The following ACTN1 variants were observed in gnomAD, a reference collection of about 807,000 sequenced individuals.
ACTN1 encodes alpha-actinin-1.
In ACTN1, 30 loss-of-function variants were observed where a neutral mutation model predicts 119.6. The observed-to-expected ratio is 0.25, with a 90% CI of 0.19 to 0.34. The LOEUF (loss-of-function observed/expected upper bound fraction) is 0.34. ACTN1 is among the 10% of genes least tolerant of loss of function. ACTN1 has a pLI of 1.00. For synonymous variants in ACTN1, 429 were observed against 472.6 expected, an observed-to-expected ratio of 0.91 and a Z score of 1.20; for missense variants, 764 against 1,223.4, an observed-to-expected ratio of 0.62 and a Z score of 5.60.
chr14:68,975,113 C>T (rs1407493359), intron 1 of ACTN1, among the ~76,000 whole-genome samples: 1 of 152,218 alleles, frequency 6.6e-6, no homozygotes, highest in African/African-American at 2.4e-5. Flanking sequence ...CTGCAATGGC[C>T]TTGCTGTCCA....
At chr14:68,895,452 G>A (rs1169569760) in intron 8 of ACTN1, among the ~76,000 whole-genome samples, 1 of 152,166 alleles carries the variant, frequency 6.6e-6, no homozygotes, top group Non-Finnish European at 1.5e-5. Flanking sequence ...GGGGCCATGG[G>A]AACCAGGCCA....
intron 1 of ACTN1, among the ~76,000 whole-genome samples, chr14:68,933,044 T>A (rs1056000697): frequency 6.6e-6 from 1 of 152,166 alleles, no homozygotes; most frequent in Non-Finnish European, 1.5e-5. Flanking sequence ...GTGGGACAAG[T>A]ATTATTCTCC....
rs1133206 is a variant in ACTN1, at chr14:68,879,061, G to A, written c.2289C>T (p.Ser763=). ...TGAACTCCTCGGGACCCAGTGTGCC[G>A]GAGTGATCCTGGGGCCGCGGTGCGC... ...ASFNHFDRDH[S]GTLGPEEFKA... is the part of the protein sequence containing the mutation. The change falls in exon 19 of 22, where the codon TCC becomes TCT. Residue 763 remains serine, a synonymous_variant. Coordinates refer to ENST00000394419, the MANE Select transcript of ACTN1 (RefSeq NM_001130004.2). This position sits in a 1 kb window ranked among gnomAD's most constrained non-coding sequence, Gnocchi z 4.9. 19 of 1,608,806 alleles carry A rather than the reference G, an allele frequency of 1.2e-5. No individual in the cohort carries two copies. Among genetic ancestry groups the A allele is most frequent in the East Asian group, 2.2e-5 (1 of 44,700 alleles).
chr14:68,916,620 C>T (rs1055371579), intron 3 of ACTN1, among the ~76,000 whole-genome samples: 4 of 152,150 alleles, frequency 2.6e-5, no homozygotes, highest in Non-Finnish European at 2.9e-5. Flanking sequence ...ACCGGGCCTC[C>T]GGCTTCTCAA....
intron 1 of ACTN1, among the ~76,000 whole-genome samples, chr14:68,967,171 C>T (rs1032808719): frequency 6.6e-6 from 1 of 152,216 alleles, no homozygotes; most frequent in African/African-American, 2.4e-5. Flanking sequence ...CCAGGACACA[C>T]CTCTTAGTCC....
intron 1 of ACTN1, among the ~76,000 whole-genome samples, chr14:68,970,995 C>T (rs536251768): frequency 2.0e-5 from 3 of 152,344 alleles, no homozygotes; most frequent in African/African-American, 7.2e-5. Flanking sequence ...GAAAGCCACA[C>T]ATGGAAGCAC....
intron 1 of ACTN1, among the ~76,000 whole-genome samples, chr14:68,959,168 G>A (rs1011803399): frequency 7.9e-5 from 12 of 152,144 alleles, no homozygotes; most frequent in African/African-American, 2.4e-4. Flanking sequence ...CAACTGCCAC[G>A]ACAGAGTCTC....
At chr14:68,923,069 G>A (rs1322976412) in intron 2 of ACTN1, among the ~76,000 whole-genome samples, 2 of 152,182 alleles carry the variant, frequency 1.3e-5, no homozygotes, top group Non-Finnish European at 2.9e-5. Flanking sequence ...CAGGTCCCCT[G>A]GGCACACGTC....
chr14:68,912,715 G>A (rs1228125395), intron 3 of ACTN1, among the ~76,000 whole-genome samples: 2 of 152,168 alleles, frequency 1.3e-5, no homozygotes, highest in East Asian at 1.9e-4. Context: ...ACTGTGACAG[G>A]TGCTGGAAGA....
chr14:68,972,170 C>G (rs1255193613), intron 1 of ACTN1, among the ~76,000 whole-genome samples: 1 of 152,188 alleles, frequency 6.6e-6, no homozygotes, highest in Non-Finnish European at 1.5e-5. Flanking sequence ...TCTCCCCAAC[C>G]CACCCAGTCT....
At chr14:68,962,297 A>C in intron 1 of ACTN1, among the ~76,000 whole-genome samples, 1 of 152,140 alleles carries the variant, frequency 6.6e-6, no homozygotes, top group Non-Finnish European at 1.5e-5. Flanking sequence ...CAGGAGAGGC[A>C]GGGCTGACTC....
chr14:68,892,539 T>C (rs2140162298), intron 9 of ACTN1, among the ~76,000 whole-genome samples: 1 of 152,292 alleles, frequency 6.6e-6, no homozygotes, highest in South Asian at 2.1e-4. Flanking sequence ...CTCCCTGCTT[T>C]GCTAAGGGAA....
rs146342419 is a variant in ACTN1, at chr14:68,909,121, C to T, written c.594+197G>A. Among the ~76,000 whole-genome samples, 1,706 of 152,304 alleles carry T rather than the reference C, an allele frequency of 0.011. 42 individuals carry two copies. Among genetic ancestry groups the T allele is most frequent in the African/African-American group, 0.039 (1,639 of 41,558 alleles). ...TATGTGTGCAAGTACACACACACCA[C>T]GCACAAGGGTAATGAAGTTGCCCTA... On this transcript the variant is annotated intron_variant, in intron 6 of 21. Transcript: ENST00000394419. This position sits in a 1 kb window ranked among gnomAD's most constrained non-coding sequence, Gnocchi z 4.1.
At chr14:68,921,334 T>A (rs1160140819) in intron 2 of ACTN1, 10 of 502,114 alleles carry the variant, frequency 2.0e-5, no homozygotes, top group Non-Finnish European at 3.3e-5. Context: ...TGCCTCTTCT[T>A]TCTTCTGCTT....
Position 68,885,338 on chromosome 14 carries a change from CA to C in ACTN1, c.1385+86del. On this transcript the variant is annotated intron_variant, in intron 12 of 21. Transcript: ENST00000394419. The surrounding 1 kb of genome is among the most constrained non-coding windows in gnomAD (Gnocchi z 5.6). ...ACCTGTACCCACCCTCCCCATCTTC[CA>C]CGGCCACACCCCCACCTCCCCCAGC... The C allele has an allele frequency of 6.8e-7, 1 of 1,478,290 alleles. No individual in the cohort carries two copies. 91.6% of individuals were successfully genotyped at this position (1,478,290 alleles called of 1,614,324 possible). A position where few individuals can be genotyped will look rare whatever the true frequency, so the allele number is the denominator to read the frequency against.
chr14:68,964,717 C>T (rs2036648473), intron 1 of ACTN1, among the ~76,000 whole-genome samples: 2 of 152,302 alleles, frequency 1.3e-5, no homozygotes, highest in South Asian at 2.1e-4. Flanking sequence ...CCTCATAGGG[C>T]GGCTATGATG....
chr14:68,954,282 T>C (rs17835911), intron 1 of ACTN1, among the ~76,000 whole-genome samples: 22,039 of 152,174 alleles, frequency 0.14, 1,881 homozygotes, highest in Non-Finnish European at 0.2. Flanking sequence ...ATGGAAGCAC[T>C]TTTTTCCCCC....
At chr14:68,937,463 GATATA>G (rs1350865353) in intron 1 of ACTN1, among the ~76,000 whole-genome samples, 22 of 152,160 alleles carry the variant, frequency 1.4e-4, no homozygotes, top group Non-Finnish European at 2.8e-4. Flanking sequence ...AATAAAATAA[GATATA>G]ATATAGGGAA....
In ACTN1 at chr14:68,925,803, A is replaced by G; in HGVS notation, c.106-131T>C. On this transcript the variant is annotated intron_variant, in intron 1 of 21. Coordinates refer to ENST00000394419, the MANE Select transcript of ACTN1 (RefSeq NM_001130004.2). The surrounding 1 kb of genome is among the most constrained non-coding windows in gnomAD (Gnocchi z 4.3). Reference sequence around the variant, plus strand: ...CAGAGCCTCTCAACACAGTTGCCCCACCATGGTCTCATTCACTGCATCAAC... The same window carrying G: ...CAGAGCCTCTCAACACAGTTGCCCCGCCATGGTCTCATTCACTGCATCAAC... 3.2e-6 allele frequency: 2 copies of G among 631,188 alleles called. No homozygotes were observed. Among genetic ancestry groups the G allele is most frequent in the East Asian group, 3.1e-5 (1 of 32,492 alleles). 39.1% of individuals were successfully genotyped at this position (631,188 alleles called of 1,614,324 possible). A position where few individuals can be genotyped will look rare whatever the true frequency, so the allele number is the denominator to read the frequency against.
Sources: allele counts gnomAD v4.1 joint callset (sites outside exome capture counted in the v4.1 genomes callset), GRCh38; gene constraint gnomAD v4.1.1; non-coding constraint Gnocchi (gnomAD v3.1); transcripts MANE v1.5; gene names NCBI Gene and HGNC (gene_info 2026-07-23, HGNC 2026-07-21).